Variants in FBXO15 observed in about 807,000 individuals in gnomAD.
FBXO15 encodes the protein F-box only protein 15.
A neutral mutation model predicts 49.5 loss-of-function variants in FBXO15; 30 were observed. The ratio of observed to expected loss-of-function variants is 0.61; its 90% CI spans 0.45 to 0.82. FBXO15 has a LOEUF of 0.82. Among genes scored for constraint, FBXO15 ranks in the 40% least tolerant of loss-of-function variants. The pLI is 0.00. For missense variants in FBXO15, 591 were observed against 631.5 expected, an observed-to-expected ratio of 0.94 and a Z score of 0.69; for synonymous variants, 250 against 232.7, an observed-to-expected ratio of 1.07 and a Z score of -0.68.
intron 8 of FBXO15, among the ~76,000 whole-genome samples, chr18:74,103,345 A>G (rs924124207): frequency 1.3e-5 from 2 of 151,708 alleles, no homozygotes; most frequent in African/African-American, 4.8e-5. Flanking sequence ...AAAAAGAATG[A>G]AAAGGAATGA....
chr18:74,109,436 C>G (rs1913911056), intron 8 of FBXO15, among the ~76,000 whole-genome samples: 2 of 152,168 alleles, frequency 1.3e-5, no homozygotes, highest in African/African-American at 4.8e-5. Context: ...CCTCAAGGAT[C>G]TAGAACTAGA....
At chr18:74,114,170 A>G (rs1914136250) in intron 8 of FBXO15, among the ~76,000 whole-genome samples, 1 of 152,188 alleles carries the variant, frequency 6.6e-6, no homozygotes, top group African/African-American at 2.4e-5. Flanking sequence ...CCAGGCAGAG[A>G]CTGCCTATGT....
At chr18:74,120,757 A>G (rs1034678293) in intron 8 of FBXO15, among the ~76,000 whole-genome samples, 1 of 152,178 alleles carries the variant, frequency 6.6e-6, no homozygotes, top group Non-Finnish European at 1.5e-5. Context: ...TTCTCCCTTT[A>G]GAAACTAGAA....
At chr18:74,144,954 T>C (rs1375705622) in intron 1 of FBXO15, among the ~76,000 whole-genome samples, 2 of 152,246 alleles carry the variant, frequency 1.3e-5, no homozygotes, top group African/African-American at 2.4e-5. Flanking sequence ...TAAACATATA[T>C]GCATATAAAA....
chr18:74,086,923 T>C (rs1024514725), intron 8 of FBXO15, among the ~76,000 whole-genome samples: 2 of 152,094 alleles, frequency 1.3e-5, no homozygotes, highest in African/African-American at 4.8e-5. Flanking sequence ...CAAGCATATC[T>C]CAGACGTACC....
intron 8 of FBXO15, among the ~76,000 whole-genome samples, chr18:74,093,576 T>A (rs975018980): frequency 6.6e-6 from 1 of 152,186 alleles, no homozygotes; most frequent in Admixed American, 6.5e-5. Flanking sequence ...GAAACCACTT[T>A]CCCTGCTCAT....
intron 8 of FBXO15, among the ~76,000 whole-genome samples, chr18:74,108,165 C>A (rs1202405574): frequency 1.3e-5 from 2 of 152,134 alleles, no homozygotes; most frequent in African/African-American, 4.8e-5. Flanking sequence ...AAAAGCAAAA[C>A]ACACAGTATG....
intron 8 of FBXO15, among the ~76,000 whole-genome samples, chr18:74,093,671 G>C (rs1700647237): frequency 6.6e-6 from 1 of 152,194 alleles, no homozygotes; most frequent in Non-Finnish European, 1.5e-5. Context: ...TCTAACTGTA[G>C]TTCTCTTGCT....
rs1326711217 is a variant in FBXO15, at chr18:74,129,394, T to C, written c.785+11A>G. 6 of 1,611,480 alleles carry C rather than the reference T, an allele frequency of 3.7e-6. No individual in the cohort carries two copies. In the South Asian group the frequency reaches 4.4e-5, roughly 12 times the overall value. On this transcript the variant is annotated intron_variant, in intron 5 of 9. Transcript: ENST00000419743. ...TGCTCTCACTCAACAGTTCTGCTGA[T>C]TGGTACTTACCTATGTTTGGTGGGA... is the stretch of plus-strand genomic sequence containing the variant.
intron 8 of FBXO15, chr18:74,098,234 C>T (rs764570548): frequency 2.0e-5 from 3 of 152,118 alleles, no homozygotes; most frequent in Non-Finnish European, 4.4e-5. Flanking sequence ...AAAAATCACA[C>T]TAGCTTACCA....
intron 1 of FBXO15, among the ~76,000 whole-genome samples, chr18:74,146,211 T>C (rs1461942471): frequency 1.3e-5 from 2 of 152,246 alleles, no homozygotes; most frequent in African/African-American, 4.8e-5. Flanking sequence ...GTGATATTTA[T>C]ACATATTCAC....
rs562011740 is a variant in FBXO15, at chr18:74,109,154, A to G, written c.1138+14214T>C. ...AAATTTGCAAGAAAAAAATAACCCC[A>G]TCAAAAAGTGGGTGAAGGATATGAA... On this transcript the variant is annotated intron_variant, in intron 8 of 9. Transcript: ENST00000419743. Among the ~76,000 whole-genome samples, 8 of 152,364 alleles carry G rather than the reference A, an allele frequency of 5.3e-5. No homozygotes were observed. The South Asian group carries it at 1.7e-3, about 32-fold the overall frequency.
chr18:74,135,909 C>A (rs2145215013), intron 2 of FBXO15, 43 bp from the exon 3 acceptor site: 1 of 1,520,820 alleles, frequency 6.6e-7, no homozygotes, highest in Non-Finnish European at 9.0e-7. Context: ...CAGAGTGGAC[C>A]AGGGCTTAAT....
At chr18:74,142,009 T>C (rs1979106716) in intron 1 of FBXO15, among the ~76,000 whole-genome samples, 1 of 152,122 alleles carries the variant, frequency 6.6e-6, no homozygotes, top group Non-Finnish European at 1.5e-5. Context: ...CACTGGCATC[T>C]CAACAAAGAA....
At chr18:74,122,137 C>G (rs963886863) in intron 8 of FBXO15, among the ~76,000 whole-genome samples, 1 of 152,158 alleles carries the variant, frequency 6.6e-6, no homozygotes, top group South Asian at 2.1e-4. Context: ...CCAGACCTCC[C>G]TTTCCTTCCA....
chr18:74,096,431 C>T (rs1313418255), intron 8 of FBXO15, among the ~76,000 whole-genome samples: 2 of 151,930 alleles, frequency 1.3e-5, no homozygotes, highest in African/African-American at 2.4e-5. Flanking sequence ...TTAGTTACTA[C>T]AGCCAAGGTG....
chr18:74,118,437 C>G (rs1012632264), intron 8 of FBXO15, among the ~76,000 whole-genome samples: 2 of 151,314 alleles, frequency 1.3e-5, no homozygotes, highest in African/African-American at 4.9e-5. Context: ...TGTGTATATA[C>G]ACACACACAT....
At chr18:74,104,876 A>C (rs1913681156) in intron 8 of FBXO15, among the ~76,000 whole-genome samples, 1 of 152,210 alleles carries the variant, frequency 6.6e-6, no homozygotes, top group South Asian at 2.1e-4. Flanking sequence ...TGTCTACTGC[A>C]GCACTATTCA....
intron 8 of FBXO15, chr18:74,123,070 G>A: frequency 3.9e-6 from 1 of 255,614 alleles, no homozygotes; most frequent in Non-Finnish European, 7.4e-6. Context: ...AGAAGTCTGG[G>A]GAAAGCAGAG....
Sources: allele counts gnomAD v4.1 joint callset (sites outside exome capture counted in the v4.1 genomes callset), GRCh38; gene constraint gnomAD v4.1.1; transcripts MANE v1.5; gene names NCBI Gene and HGNC (gene_info 2026-07-23, HGNC 2026-07-21).